RFTN1: variants seen among roughly 807,000 people sequenced by gnomAD.
The protein encoded by RFTN1 is raftlin.
Under a neutral mutation model 46.5 loss-of-function variants are expected in RFTN1, and 26 were observed. The ratio of observed to expected loss-of-function variants is 0.56; its 90% CI spans 0.41 to 0.78. The LOEUF is 0.78. RFTN1 is among the 30% of genes least tolerant of loss of function. The pLI, the probability that RFTN1 is intolerant of heterozygous loss-of-function variation, is 0.00. For synonymous variants in RFTN1, 261 were observed against 284.2 expected, an observed-to-expected ratio of 0.92 and a Z score of 0.82; for missense variants, 693 against 718.7, an observed-to-expected ratio of 0.96 and a Z score of 0.41.
rs2071900593 is a variant in RFTN1, at chr3:16,348,744, T to TA, written c.1146+9187dup. ...CCTGAGGGTTCTGTTATGGAACCCC[T>TA]AATCACCATCTCAAGTGGTTCTTTC... On this transcript the variant is annotated intron_variant, in intron 7 of 9. Coordinates refer to ENST00000334133, the MANE Select transcript of RFTN1 (RefSeq NM_015150.2). The surrounding 1 kb of genome is among the most constrained non-coding windows in gnomAD (Gnocchi z 6.3). Among the ~76,000 whole-genome samples the TA allele has an allele frequency of 6.6e-6, 1 of 152,206 alleles. No individual in the cohort carries two copies.
At chr3:16,398,244 C>CAAAAAAAAAAAAAAAAAAAAAAA (rs202032095) in intron 4 of RFTN1, among the ~76,000 whole-genome samples, 14 of 110,852 alleles carry the variant, frequency 1.3e-4, no homozygotes, top group African/African-American at 3.4e-4. Flanking sequence ...AAGACTGTCT[C>CAAAAAAAAAAAAAAAAAAAAAAA]AAAAAAAAAA....
intron 1 of RFTN1, among the ~76,000 whole-genome samples, chr3:16,494,321 T>C (rs573532154): frequency 1.3e-5 from 2 of 152,372 alleles, no homozygotes; most frequent in African/African-American, 4.8e-5. Flanking sequence ...TAAGTCGTTG[T>C]TACAGTTTCC....
In RFTN1 at chr3:16,493,716, T is replaced by G. The variant is rs2076579945; in HGVS notation, c.145+9A>C. 2.0e-6 allele frequency: 3 copies of G among 1,482,734 alleles called. No individual in the cohort carries two copies. The highest frequency in any genetic ancestry group is 1.8e-6 in the Non-Finnish European group (2 of 1,101,580). 91.8% of individuals were successfully genotyped at this position (1,482,734 alleles called of 1,614,324 possible). On this transcript the variant is annotated intron_variant, in intron 2 of 9. Transcript: ENST00000334133. ...CCTGCCCCCATCCATTCCCACCCCA[T>G]GTACTCACCAGCACTCAGAGTCGTG... is the stretch of plus-strand genomic sequence containing the variant.
In RFTN1 at chr3:16,338,240, G is replaced by T. The variant is rs1258595000; in HGVS notation, c.1147-11364C>A. 6.6e-6 allele frequency among the ~76,000 whole-genome samples: 1 copy of T among 152,236 alleles called. No individual in the cohort carries two copies. Among genetic ancestry groups the T allele is most frequent in the East Asian group, 1.9e-4 (1 of 5,208 alleles). ...TGCATCCTTATTATCAGGGGTGTCTGCCCACACACACCTGCATGAGCAGAA... is the reference window on the plus strand; with the variant it reads ...TGCATCCTTATTATCAGGGGTGTCTTCCCACACACACCTGCATGAGCAGAA... On this transcript the variant is annotated intron_variant, in intron 7 of 9. Transcript: ENST00000334133. This position sits in a 1 kb window ranked among gnomAD's most constrained non-coding sequence, Gnocchi z 5.3.
rs144304584 is a variant in RFTN1, at chr3:16,404,738, C to T, written c.441+4637G>A. Among the ~76,000 whole-genome samples the T allele has an allele frequency of 9.9e-5, 15 of 152,162 alleles. 1 individual carries two copies. The highest frequency in any genetic ancestry group is 2.1e-4 in the Non-Finnish European group (14 of 67,994). On this transcript the variant is annotated intron_variant, in intron 4 of 9. Transcript: ENST00000334133. ...TCTCAGTTCCTCACTTTGCAGAGCC[C>T]TCGTTCCACACCTCTCCGAAGCTCT...
rs56887072 is a variant in RFTN1 at position 16,351,578 on chromosome 3, T to TA, written c.1146+6353dup. Reference sequence around the variant, plus strand: ...CTACCTGAGGCTGTACTTGCAGAAATACAAGTCCACCCTGACAGAAGTCAA... The same window carrying TA: ...CTACCTGAGGCTGTACTTGCAGAAATAACAAGTCCACCCTGACAGAAGTCAA... On this transcript the variant is annotated intron_variant, in intron 7 of 9. Coordinates refer to ENST00000334133, the MANE Select transcript of RFTN1 (RefSeq NM_015150.2). The surrounding 1 kb of genome is among the most constrained non-coding windows in gnomAD (Gnocchi z 5.4). Among the ~76,000 whole-genome samples the TA allele has an allele frequency of 5.1e-3, 777 of 152,232 alleles. 7 individuals are homozygous for TA. The highest frequency in any genetic ancestry group is 0.018 in the African/African-American group (734 of 41,540).
chr3:16,381,290 T>C lies in RFTN1; in HGVS notation c.442-3188A>G, dbSNP rs530208464. 7.2e-4 allele frequency among the ~76,000 whole-genome samples: 109 copies of C among 152,334 alleles called. No homozygotes were observed. In the Middle Eastern group the frequency reaches 0.01, roughly 14 times the overall value. On this transcript the variant is annotated intron_variant, in intron 4 of 9. Coordinates refer to ENST00000334133, the MANE Select transcript of RFTN1 (RefSeq NM_015150.2). The surrounding 1 kb of genome is among the most constrained non-coding windows in gnomAD (Gnocchi z 4.2). ...CTATTACTGTGTAATTTTCAAAATT[T>C]ACTTAAGGGGCATGGATGTTACTTT... is the stretch of plus-strand genomic sequence containing the variant.
In RFTN1 at chr3:16,351,369, T is replaced by C. The variant is rs1399450188; in HGVS notation, c.1146+6563A>G. ...AAGATCCCCAGAATGAAGGATGATA[T>C]ATCCATGATCAGAAATGTCTTGACA... On this transcript the variant is annotated intron_variant, in intron 7 of 9. Coordinates refer to ENST00000334133, the MANE Select transcript of RFTN1 (RefSeq NM_015150.2). The surrounding 1 kb of genome is among the most constrained non-coding windows in gnomAD (Gnocchi z 5.4). 6.6e-6 allele frequency among the ~76,000 whole-genome samples: 1 copy of C among 152,160 alleles called. No individual in the cohort carries two copies. Among genetic ancestry groups the C allele is most frequent in the Non-Finnish European group, 1.5e-5 (1 of 68,024 alleles).
In RFTN1 at chr3:16,426,484, T is replaced by C. The variant is rs1280780430; in HGVS notation, c.332+7367A>G. ...AATGCCAAAGAAAATGTTCATATTA[T>C]CTTGTAGGCTATAAAAAAAAGATAA... is the stretch of plus-strand genomic sequence containing the variant. On this transcript the variant is annotated intron_variant, in intron 3 of 9. Transcript: ENST00000334133. The surrounding 1 kb of genome is among the most constrained non-coding windows in gnomAD (Gnocchi z 5.9). Among the ~76,000 whole-genome samples, 12 of 152,230 alleles carry C rather than the reference T, an allele frequency of 7.9e-5. No individual in the cohort carries two copies. The highest frequency in any genetic ancestry group is 7.2e-4 in the Admixed American group (11 of 15,278).
chr3:16,462,651 G>A (rs2076025767), intron 2 of RFTN1, among the ~76,000 whole-genome samples: 1 of 152,246 alleles, frequency 6.6e-6, no homozygotes, highest in Non-Finnish European at 1.5e-5. Context: ...TTTCCTTCAA[G>A]AAGGGGTACG....
rs1242901496 is a variant in RFTN1 at position 16,489,234 on chromosome 3, A to T, written c.145+4491T>A. ...GGAGTTCGAGACCAGCCTGGCCAACATGGCAAAAGCCTGTGTCTACTAAAA... is the reference window on the plus strand; with the variant it reads ...GGAGTTCGAGACCAGCCTGGCCAACTTGGCAAAAGCCTGTGTCTACTAAAA... On this transcript the variant is annotated intron_variant, in intron 2 of 9. Coordinates refer to ENST00000334133, the MANE Select transcript of RFTN1 (RefSeq NM_015150.2). This position sits in a 1 kb window ranked among gnomAD's most constrained non-coding sequence, Gnocchi z 4.0. 1.3e-5 allele frequency among the ~76,000 whole-genome samples: 2 copies of T among 152,184 alleles called. No individual in the cohort carries two copies. Among genetic ancestry groups the T allele is most frequent in the African/African-American group, 2.4e-5 (1 of 41,438 alleles).
rs2076238671 is a variant in RFTN1 at position 16,473,781 on chromosome 3, C to T, written c.145+19944G>A. ...TTTCTTCCACCCTGCTGGCTACTCC[C>T]TCAGAGACGGAGAGTCCCTCAAAGT... On this transcript the variant is annotated intron_variant, in intron 2 of 9. Coordinates refer to ENST00000334133, the MANE Select transcript of RFTN1 (RefSeq NM_015150.2). The surrounding 1 kb of genome is among the most constrained non-coding windows in gnomAD (Gnocchi z 5.3). Among the ~76,000 whole-genome samples the T allele has an allele frequency of 6.6e-6, 1 of 152,192 alleles. No homozygotes were observed. Among genetic ancestry groups the T allele is most frequent in the African/African-American group, 2.4e-5 (1 of 41,450 alleles).
chr3:16,485,375 A>G (rs1234855075), intron 2 of RFTN1, among the ~76,000 whole-genome samples: 2 of 152,226 alleles, frequency 1.3e-5, no homozygotes, highest in Non-Finnish European at 2.9e-5. Flanking sequence ...CCATACATAC[A>G]ACAGCAAGGA....
chr3:16,413,971 T>C lies in RFTN1; in HGVS notation c.333-4488A>G, dbSNP rs576764426. 2.6e-5 allele frequency among the ~76,000 whole-genome samples: 4 copies of C among 152,296 alleles called. 1 individual carries two copies. The highest frequency in any genetic ancestry group is 2.1e-4 in the South Asian group (1 of 4,820). On this transcript the variant is annotated intron_variant, in intron 3 of 9. Transcript: ENST00000334133. This position sits in a 1 kb window ranked among gnomAD's most constrained non-coding sequence, Gnocchi z 4.7. ...TCTTAACATTGCTGTAAGGATTAAA[T>C]AGGACAAAAAGAAGCAAAGCCCTTA...
chr3:16,472,701 A>G (rs1490052765), intron 2 of RFTN1: 3 of 152,250 alleles, frequency 2.0e-5, no homozygotes, highest in Non-Finnish European at 4.4e-5. Flanking sequence ...ACTCCAGGAG[A>G]ACGTGACTTC....
chr3:16,323,404 G>A lies in RFTN1; in HGVS notation c.1304C>T (p.Pro435Leu), dbSNP rs771595914. 3.1e-6 allele frequency: 5 copies of A among 1,611,216 alleles called. No homozygotes were observed. The East Asian group carries it at 1.1e-4, about 36-fold the overall frequency. Residue 435 changes from proline (P) to leucine (L), a missense_variant, in exon 9 of 10, where the codon CCT becomes CTT. Physicochemically the swap from Pro to Leu is moderately conservative, Grantham distance 98 (BLOSUM62 -3). Transcript: ENST00000334133. ...CGATTCCTTCTTCTTGATTTTCTGA[G>A]GTAGACAAGGTCTCTGAAGAAAGAC... Reference protein sequence around the residue: ...QIVFLQRPCLPQKIKKKESKF... With the variant: ...QIVFLQRPCLLQKIKKKESKF...
At chr3:16,372,279 C>T (rs578022857) in intron 5 of RFTN1, among the ~76,000 whole-genome samples, 1 of 152,298 alleles carries the variant, frequency 6.6e-6, no homozygotes, top group South Asian at 2.1e-4. Flanking sequence ...AACAAGGACC[C>T]TGAGACACTG....
rs1405814662 is a variant in RFTN1 at position 16,320,815 on chromosome 3, G to T, written c.1332+2561C>A. ...AGGTAAGAGGGACCAGATCCCTTGG[G>T]GCCTTGAGGGCCACAGTACTGATTT... On this transcript the variant is annotated intron_variant, in intron 9 of 9. Transcript: ENST00000334133. This position sits in a 1 kb window ranked among gnomAD's most constrained non-coding sequence, Gnocchi z 4.5. 6.6e-6 allele frequency among the ~76,000 whole-genome samples: 1 copy of T among 152,176 alleles called. No individual in the cohort carries two copies.
intron 5 of RFTN1, among the ~76,000 whole-genome samples, chr3:16,372,391 A>G (rs2073553709): frequency 6.6e-6 from 1 of 152,224 alleles, no homozygotes; most frequent in African/African-American, 2.4e-5. Flanking sequence ...CTCAGGGCCC[A>G]TTCCCGAGAA....
Sources: allele counts gnomAD v4.1 joint callset (sites outside exome capture counted in the v4.1 genomes callset), GRCh38; gene constraint gnomAD v4.1.1; non-coding constraint Gnocchi (gnomAD v3.1); transcripts MANE v1.5; gene names NCBI Gene and HGNC (gene_info 2026-07-23, HGNC 2026-07-21).